Variants in GRIP1 observed in about 807,000 individuals in gnomAD.
GRIP1 encodes glutamate receptor interacting protein 1, also known as glutamate receptor-interacting protein 1.
In GRIP1, 45 loss-of-function variants were observed where a neutral mutation model predicts 129.9. The observed-to-expected ratio is 0.35, with a 90% CI of 0.27 to 0.44. The LOEUF is 0.44. Ranked by LOEUF, GRIP1 falls within the 20% of genes least tolerant of loss-of-function variation. GRIP1 has a pLI of 1.00. For synonymous variants in GRIP1, 530 were observed against 520.8 expected, an observed-to-expected ratio of 1.02 and a Z score of -0.24; for missense variants, 1,196 against 1,396.8, an observed-to-expected ratio of 0.86 and a Z score of 2.29.
intron 1 of GRIP1, among the ~76,000 whole-genome samples, chr12:66,736,426 G>A (rs2036605412): frequency 7.9e-6 from 1 of 126,060 alleles, no homozygotes; most frequent in Non-Finnish European, 1.6e-5. Flanking sequence ...TTCTAGGTTG[G>A]TCTCAAACTC....
chr12:66,867,124 G>A (rs1192689823), intron 1 of GRIP1, among the ~76,000 whole-genome samples: 1 of 152,136 alleles, frequency 6.6e-6, no homozygotes, highest in Non-Finnish European at 1.5e-5. Context: ...GAGTAGCTGA[G>A]ATTGCAGGCG....
At chr12:66,594,892 T>A (rs548979528) in intron 2 of GRIP1, among the ~76,000 whole-genome samples, 43 of 152,312 alleles carry the variant, frequency 2.8e-4, no homozygotes, top group Middle Eastern at 6.8e-3. Context: ...ATAGGTACTT[T>A]TAAGTAAGAC....
At chr12:66,890,985 G>C (rs1000839416) in intron 1 of GRIP1, among the ~76,000 whole-genome samples, 3 of 152,198 alleles carry the variant, frequency 2.0e-5, no homozygotes, top group African/African-American at 7.2e-5. Context: ...AATGGGGAAA[G>C]TAGTAAAGTG....
intron 1 of GRIP1, among the ~76,000 whole-genome samples, chr12:66,745,541 A>G (rs2036917228): frequency 6.6e-6 from 1 of 152,202 alleles, no homozygotes. Context: ...GATAAAGCAA[A>G]TACACGCATG....
Position 66,842,762 on chromosome 12 carries a change from GAATT to G in GRIP1, c.58+226284_58+226287del, listed in dbSNP as rs1335036367. 2.6e-5 allele frequency among the ~76,000 whole-genome samples: 4 copies of G among 152,208 alleles called. No individual in the cohort carries two copies. The East Asian group carries it at 5.8e-4, about 22-fold the overall frequency. ...AATGGATACTCAATTGATGCTGAAT[GAATT>G]AATTAATGAATCAATAAACCAATGT... On this transcript the variant is annotated intron_variant, in intron 1 of 1. Transcript: ENST00000643019.
At chr12:66,734,496 A>G (rs2036535524) in intron 1 of GRIP1, among the ~76,000 whole-genome samples, 1 of 152,204 alleles carries the variant, frequency 6.6e-6, no homozygotes, top group South Asian at 2.1e-4. Context: ...GCTCAGATTG[A>G]TTAGGGCTTA....
chr12:66,535,066 C>A lies in GRIP1; in HGVS notation c.418+4012G>T, dbSNP rs570106521. 2.0e-5 allele frequency among the ~76,000 whole-genome samples: 3 copies of A among 152,212 alleles called. No individual in the cohort carries two copies. In the East Asian group the frequency reaches 5.8e-4, roughly 29 times the overall value. On this transcript the variant is annotated intron_variant, in intron 4 of 24. Transcript: ENST00000359742. ...CTGTCATCTTCCCTTCGCGCTGCAC[C>A]CTTTGTCTGAAATATTCCTCTTCCC... is the stretch of plus-strand genomic sequence containing the variant.
intron 1 of GRIP1, among the ~76,000 whole-genome samples, chr12:66,826,504 C>T (rs2039416233): frequency 1.3e-5 from 2 of 151,684 alleles, no homozygotes; most frequent in Non-Finnish European, 2.9e-5. Context: ...TTTCTATGAT[C>T]CCAAAATACT....
intron 16 of GRIP1, among the ~76,000 whole-genome samples, chr12:66,404,155 G>A (rs969488644): frequency 5.3e-5 from 8 of 152,128 alleles, no homozygotes; most frequent in Non-Finnish European, 8.8e-5. Context: ...AAAATCAGTT[G>A]CTTAAGAAAT....
intron 19 of GRIP1, among the ~76,000 whole-genome samples, chr12:66,388,843 C>T (rs777253441): frequency 6.6e-6 from 1 of 152,228 alleles, no homozygotes; most frequent in Admixed American, 6.5e-5. Context: ...TAACCTCTTC[C>T]ATGGGAGCAG....
intron 1 of GRIP1, among the ~76,000 whole-genome samples, chr12:66,623,466 T>C (rs577028060): frequency 4.4e-4 from 67 of 152,292 alleles, no homozygotes; most frequent in African/African-American, 1.4e-3. Flanking sequence ...CTTGGTATGA[T>C]GAGTTCCAAC....
intron 15 of GRIP1, among the ~76,000 whole-genome samples, chr12:66,412,875 GA>G (rs1049955875): frequency 1.1e-4 from 17 of 150,758 alleles, no homozygotes; most frequent in African/African-American, 3.2e-4. Context: ...AACAAAGATA[GA>G]AAAAAAATGT....
chr12:66,770,782 C>G (rs1179431618), intron 1 of GRIP1, among the ~76,000 whole-genome samples: 1 of 152,160 alleles, frequency 6.6e-6, no homozygotes, highest in African/African-American at 2.4e-5. Flanking sequence ...ACTTATTTTA[C>G]CAGACAAGCC....
At chr12:66,951,106 G>A (rs969939630) in intron 1 of GRIP1, among the ~76,000 whole-genome samples, 18 of 152,078 alleles carry the variant, frequency 1.2e-4, no homozygotes, top group African/African-American at 1.9e-4. Flanking sequence ...TTATAGTTCC[G>A]CAAATCTTAA....
In GRIP1 at chr12:66,960,786, C is replaced by G. The variant is rs181383014; in HGVS notation, c.58+108264G>C. Among the ~76,000 whole-genome samples the G allele has an allele frequency of 5.3e-5, 8 of 152,192 alleles. No homozygotes were observed. In the East Asian group the frequency reaches 1.4e-3, roughly 26 times the overall value. On this transcript the variant is annotated intron_variant, in intron 1 of 1. Coordinates refer to the GRIP1 transcript ENST00000643019. ...ATATACTCAGACCAGCCCCCACAGC[C>G]AAGATTACCCAGACCAAAATGTCAG... is the stretch of plus-strand genomic sequence containing the variant.
intron 1 of GRIP1, among the ~76,000 whole-genome samples, chr12:66,673,671 C>T (rs917162380): frequency 1.3e-5 from 2 of 152,196 alleles, no homozygotes; most frequent in African/African-American, 2.4e-5. Flanking sequence ...GTCCAAGCCA[C>T]TGTTCAATGT....
intron 15 of GRIP1, among the ~76,000 whole-genome samples, chr12:66,410,606 T>G (rs7137877): frequency 0.68 from 102,925 of 151,826 alleles, 36,368 homozygotes; most frequent in Non-Finnish European, 0.8. Flanking sequence ...TTGCACCACA[T>G]CACTCAGCCT....
chr12:66,789,406 C>T (rs1457938017), intron 1 of GRIP1, among the ~76,000 whole-genome samples: 2 of 152,094 alleles, frequency 1.3e-5, no homozygotes, highest in Non-Finnish European at 2.9e-5. Flanking sequence ...TTTGTTTTCT[C>T]ATCTATAAAA....
chr12:66,965,859 T>C (rs1157915067), intron 1 of GRIP1, among the ~76,000 whole-genome samples: 2 of 152,088 alleles, frequency 1.3e-5, no homozygotes, highest in South Asian at 2.1e-4. Context: ...TCCCCAGAGT[T>C]TGGATGACAC....
Sources: gnomAD v4.1 joint callset for allele counts (sites outside exome capture counted in the v4.1 genomes callset) on GRCh38, gnomAD v4.1.1 for gene constraint, MANE v1.5 for transcripts, NCBI Gene and HGNC (gene_info 2026-07-23, HGNC 2026-07-21) for gene names.